The following BBS9 variants were observed in gnomAD, a reference collection of about 807,000 sequenced individuals.
The protein encoded by BBS9 is Bardet-Biedl syndrome 9.
A neutral mutation model predicts 117.7 loss-of-function variants in BBS9; 89 were observed. That is an observed-to-expected ratio of 0.76 (90% CI 0.64 to 0.90). The LOEUF (loss-of-function observed/expected upper bound fraction) is 0.90, where lower values mean the gene tolerates loss of function less well. BBS9 is among the 40% of genes least tolerant of loss of function. BBS9 has a pLI of 0.00. For synonymous variants in BBS9, 379 were observed against 370.9 expected, an observed-to-expected ratio of 1.02 and a Z score of -0.25; for missense variants, 982 against 1,042.2, an observed-to-expected ratio of 0.94 and a Z score of 0.80.
At chr7:33,218,180 G>A (rs1789440514) in intron 5 of BBS9, among the ~76,000 whole-genome samples, 1 of 152,092 alleles carries the variant, frequency 6.6e-6, no homozygotes, top group African/African-American at 2.4e-5. Flanking sequence ...AATTACAACT[G>A]TATATAGATT....
At chr7:33,441,034 T>G (rs547797579) in intron 19 of BBS9, among the ~76,000 whole-genome samples, 1 of 152,322 alleles carries the variant, frequency 6.6e-6, no homozygotes, top group Non-Finnish European at 1.5e-5. Context: ...ACTTAAAATC[T>G]GTGCATTTTC....
At chr7:33,376,525 G>C (rs1382183216) in intron 17 of BBS9, among the ~76,000 whole-genome samples, 1 of 152,142 alleles carries the variant, frequency 6.6e-6, no homozygotes, top group Non-Finnish European at 1.5e-5. Flanking sequence ...TATCTTTATG[G>C]TAGAACGATT....
chr7:33,584,425 G>A (rs1036093701), intron 21 of BBS9, among the ~76,000 whole-genome samples: 4 of 151,860 alleles, frequency 2.6e-5, no homozygotes, highest in Non-Finnish European at 4.4e-5. Flanking sequence ...TGAATATTTT[G>A]TCTGCTTTAC....
At chr7:33,160,279 G>A (rs1794653688) in intron 4 of BBS9, among the ~76,000 whole-genome samples, 1 of 152,196 alleles carries the variant, frequency 6.6e-6, no homozygotes, top group Admixed American at 6.5e-5. Context: ...AAGACTTCTT[G>A]GAAATGTTCT....
At position 33,155,589 on chromosome 7, in the gene BBS9, C is replaced by T. The variant is rs115599983; in HGVS notation, c.264-49C>T. On this transcript the variant is annotated intron_variant, in intron 3 of 22. Coordinates refer to ENST00000242067, the MANE Select transcript of BBS9 (RefSeq NM_198428.3). ...AAATTATTTTACAACTTTTTGGTTACGTCTAAAGCTAATATTGGAAAACTT... is the reference window on the plus strand; with the variant it reads ...AAATTATTTTACAACTTTTTGGTTATGTCTAAAGCTAATATTGGAAAACTT... The T allele has an allele frequency of 9.4e-4, 1,184 of 1,266,230 alleles. 4 individuals are homozygous for T. The African/African-American group carries it at 0.015, about 16-fold the overall frequency. 78.4% of individuals were successfully genotyped at this position (1,266,230 alleles called of 1,614,324 possible).
intron 17 of BBS9, among the ~76,000 whole-genome samples, chr7:33,373,069 T>C (rs1823157298): frequency 6.6e-6 from 1 of 152,148 alleles, no homozygotes; most frequent in Non-Finnish European, 1.5e-5. Flanking sequence ...TCTTTATCTT[T>C]TCAAAAAACC....
chr7:33,621,042 C>T (rs191637250), intron 21 of BBS9, among the ~76,000 whole-genome samples: 154 of 152,134 alleles, frequency 1.0e-3, no homozygotes, highest in African/African-American at 3.3e-3. Context: ...GAAAAATTGC[C>T]CCTTATCTCA....
chr7:33,481,117 T>C (rs766351284), intron 19 of BBS9, among the ~76,000 whole-genome samples: 1 of 152,108 alleles, frequency 6.6e-6, no homozygotes, highest in Non-Finnish European at 1.5e-5. Flanking sequence ...AAGGGATACA[T>C]GAATGAAGAG....
At chr7:33,624,780 A>G (rs759606831) in intron 21 of BBS9, among the ~76,000 whole-genome samples, 6 of 152,234 alleles carry the variant, frequency 3.9e-5, no homozygotes, top group Non-Finnish European at 8.8e-5. Context: ...GGCACTATTA[A>G]TAATTATGCT....
intron 4 of BBS9, among the ~76,000 whole-genome samples, chr7:33,158,227 C>T (rs1312147126): frequency 6.6e-6 from 1 of 152,026 alleles, no homozygotes; most frequent in East Asian, 1.9e-4. Context: ...AAAATTGCAC[C>T]GAAAACTGTT....
At chr7:33,513,232 G>A (rs191088394) in intron 20 of BBS9, among the ~76,000 whole-genome samples, 1 of 152,140 alleles carries the variant, frequency 6.6e-6, no homozygotes, top group African/African-American at 2.4e-5. Flanking sequence ...TGTGTCTCCT[G>A]TCTACCCTTC....
At position 33,561,935 on chromosome 7, in the gene BBS9, C is replaced by T. The variant is rs571048927; in HGVS notation, c.2521+27759C>T. On this transcript the variant is annotated intron_variant, in intron 21 of 22. Coordinates refer to ENST00000242067, the MANE Select transcript of BBS9 (RefSeq NM_198428.3). ...CAAAGATATTACATAGACATGTTAC[C>T]AACAATAGTCTTTTCTTTCTTGAAA... Among the ~76,000 whole-genome samples, 3 of 152,242 alleles carry T rather than the reference C, an allele frequency of 2.0e-5. No homozygotes were observed. The South Asian group carries it at 6.2e-4, about 32-fold the overall frequency.
intron 19 of BBS9, among the ~76,000 whole-genome samples, chr7:33,397,447 A>G (rs1828171771): frequency 6.6e-6 from 1 of 152,184 alleles, no homozygotes; most frequent in African/African-American, 2.4e-5. Flanking sequence ...ATACCATTTG[A>G]CCGAGCAATC....
chr7:33,374,447 T>TA (rs1563082104), intron 17 of BBS9, among the ~76,000 whole-genome samples: 1 of 152,158 alleles, frequency 6.6e-6, no homozygotes, highest in African/African-American at 2.4e-5. Context: ...GATTCAGCAA[T>TA]ATATTACTGT....
At chr7:33,369,561 G>A (rs1822463798) in intron 17 of BBS9, among the ~76,000 whole-genome samples, 1 of 152,104 alleles carries the variant, frequency 6.6e-6, no homozygotes, top group Admixed American at 6.6e-5. Flanking sequence ...TTTAAACAAG[G>A]AGCCAAATAA....
chr7:33,227,704 C>T (rs546455623), intron 5 of BBS9, among the ~76,000 whole-genome samples: 13 of 152,144 alleles, frequency 8.5e-5, no homozygotes, highest in African/African-American at 1.4e-4. Flanking sequence ...TGACAACATA[C>T]GATATTTGGT....
intron 6 of BBS9, among the ~76,000 whole-genome samples, chr7:33,260,501 T>G (rs1169003868): frequency 6.6e-6 from 1 of 152,244 alleles, no homozygotes; most frequent in Non-Finnish European, 1.5e-5. Context: ...ACTGACATTT[T>G]CCAGAGTATC....
chr7:33,152,990 T>C, intron 3 of BBS9, 139 bp downstream of exon 3: 3 of 896,830 alleles, frequency 3.3e-6, no homozygotes, highest in Non-Finnish European at 5.1e-6. Context: ...GTTTCTCACG[T>C]ATGGAATGCT....
intron 19 of BBS9, among the ~76,000 whole-genome samples, chr7:33,480,456 A>G (rs1419489020): frequency 6.6e-6 from 1 of 152,190 alleles, no homozygotes; most frequent in African/African-American, 2.4e-5. Flanking sequence ...TGAATAGCGT[A>G]GGTAATAAAT....
Sources: gnomAD v4.1 joint callset for allele counts (sites outside exome capture counted in the v4.1 genomes callset) on GRCh38, gnomAD v4.1.1 for gene constraint, MANE v1.5 for transcripts, NCBI Gene and HGNC (gene_info 2026-07-23, HGNC 2026-07-21) for gene names.